Variants in CBR4 observed in about 807,000 individuals in gnomAD.
The protein encoded by CBR4 is carbonyl reductase 4.
Under a neutral mutation model 21.0 loss-of-function variants are expected in CBR4, and 22 were observed. The observed-to-expected ratio is 1.05, with a 90% confidence interval of 0.75 to 1.50. The LOEUF is 1.50. Ranked by LOEUF, CBR4 falls within the 40% of genes most tolerant of loss-of-function variation. The pLI, the probability that CBR4 is intolerant of heterozygous loss-of-function variation, is 0.00. For synonymous variants in CBR4, 100 were observed against 104.4 expected (o/e 0.96, Z 0.26); for missense variants, 302 against 286.3 (o/e 1.05, Z -0.40).
chr4:168,905,220 G>A (rs190064789), intron 2 of CBR4, among the ~76,000 whole-genome samples: 4 of 125,888 alleles, frequency 3.2e-5, no homozygotes, highest in East Asian at 2.8e-4. Context: ...GCGCGATCTC[G>A]GCTCACTGCA....
chr4:168,911,987 T>C (rs1759063750), intron 2 of CBR4, among the ~76,000 whole-genome samples: 1 of 152,164 alleles, frequency 6.6e-6, no homozygotes. Flanking sequence ...CTATGTGTCT[T>C]TGCCTTTTCT....
chr4:168,931,868 A>C (rs920408782), intron 2 of CBR4, among the ~76,000 whole-genome samples: 1 of 152,148 alleles, frequency 6.6e-6, no homozygotes, highest in African/African-American at 2.4e-5. Flanking sequence ...CAGACACTAC[A>C]GTACTGCATC....
intron 2 of CBR4, among the ~76,000 whole-genome samples, chr4:168,978,079 C>T (rs1403590337): frequency 2.0e-5 from 3 of 152,188 alleles, no homozygotes; most frequent in African/African-American, 7.2e-5. Context: ...AAGTTCAAAA[C>T]CCTTAACATG....
chr4:169,006,699 ATT>A (rs1730935341), intron 3 of CBR4, 54 bp downstream of exon 3: 1 of 1,433,290 alleles, frequency 7.0e-7, no homozygotes, highest in Admixed American at 2.1e-5. Context: ...TGGATTAAAT[ATT>A]TTTATGGTAT....
At chr4:168,984,205 A>AG (rs1764620730), downstream of CBR4, among the ~76,000 whole-genome samples, 1 of 152,198 alleles carries the variant, frequency 6.6e-6, no homozygotes, top group Admixed American at 6.5e-5. Context: ...CATCTTCTGG[A>AG]AAGTTTCAGG....
chr4:168,936,670 G>T (rs973370527), intron 2 of CBR4, among the ~76,000 whole-genome samples: 1 of 152,062 alleles, frequency 6.6e-6, no homozygotes, highest in South Asian at 2.1e-4. Flanking sequence ...CGATCAAGTG[G>T]AAGACAGGAT....
rs1764832024 is a variant in CBR4 at position 168,989,994 on chromosome 4, G to T, written c.*156C>A. The T allele has an allele frequency of 2.4e-6, 3 of 1,240,010 alleles. No individual in the cohort carries two copies. The highest frequency in any genetic ancestry group is 3.3e-5 in the East Asian group (1 of 30,140). 76.8% of individuals were successfully genotyped at this position (1,240,010 alleles called of 1,614,324 possible). On this transcript the variant is annotated 3_prime_UTR_variant, in exon 5 of 5. Transcript: ENST00000306193. ...AAAAAACCACAATTTGTCACACATT[G>T]TTCTTTTGAGACATATTTTTATAAA...
chr4:168,964,081 GTGGGAAATTT>G lies in CBR4; in HGVS notation n.169+37980_169+37989del, dbSNP rs943394073. Among the ~76,000 whole-genome samples, 6 of 152,280 alleles carry G rather than the reference GTGGGAAATTT, an allele frequency of 3.9e-5. No homozygotes were observed. In the South Asian group the frequency reaches 6.2e-4, roughly 16 times the overall value. On this transcript the variant is annotated intron_variant and non_coding_transcript_variant, in intron 2 of 3. Transcript: ENST00000509108. ...TAAATGCATAAATGGCATCCAGCAC[GTGGGAAATTT>G]TGCTCTGACCAGCATGATCAAGCAA...
At chr4:168,984,517 C>T (rs111612963), downstream of CBR4, among the ~76,000 whole-genome samples, 4 of 151,906 alleles carry the variant, frequency 2.6e-5, no homozygotes. Context: ...ATTCCTATCA[C>T]ACTACCAATG....
chr4:168,930,063 A>G lies in CBR4; in HGVS notation n.170-35298T>C, dbSNP rs1417982956. Among the ~76,000 whole-genome samples the G allele has an allele frequency of 2.6e-5, 4 of 152,338 alleles. No homozygotes were observed. The East Asian group carries it at 5.8e-4, about 22-fold the overall frequency. On this transcript the variant is annotated intron_variant and non_coding_transcript_variant, in intron 2 of 3. Coordinates refer to the CBR4 transcript ENST00000509108. ...CTGGGACTGTCCTAGTAAAAATTAT[A>G]TTACAAATATTGAAATATCTTAAAA...
chr4:168,965,117 T>C (rs371671951), intron 2 of CBR4, among the ~76,000 whole-genome samples: 16 of 151,964 alleles, frequency 1.1e-4, no homozygotes, highest in South Asian at 2.1e-4. Context: ...ACACCAATAA[T>C]AGACAAACAG....
At position 168,987,637 on chromosome 4, in the gene CBR4, T is replaced by C; in HGVS notation, c.*2513A>G. 3.0e-5 allele frequency: 29 copies of C among 957,102 alleles called. No homozygotes were observed. Among genetic ancestry groups the C allele is most frequent in the Non-Finnish European group, 3.6e-5 (29 of 804,160 alleles). 59.3% of individuals were successfully genotyped at this position (957,102 alleles called of 1,614,324 possible). ...TTTAAGAACAGTTTGTTTACCAAGT[T>C]AGGACAGTGGTTATGATTTCTCAAT... is the stretch of plus-strand genomic sequence containing the variant. On this transcript the variant is annotated 3_prime_UTR_variant, in exon 5 of 5. Transcript: ENST00000306193.
chr4:168,970,833 G>GAT (rs71588181), intron 2 of CBR4, among the ~76,000 whole-genome samples: 81,116 of 149,496 alleles, frequency 0.54, 22,661 homozygotes, highest in East Asian at 0.86. Context: ...AGTAGTCCAT[G>GAT]ATATATATAT....
intron 2 of CBR4, among the ~76,000 whole-genome samples, chr4:168,918,259 A>G (rs556992161): frequency 6.6e-6 from 1 of 151,708 alleles, no homozygotes; most frequent in Non-Finnish European, 1.5e-5. Context: ...TTGCAGCACT[A>G]TTCATAATAG....
At chr4:168,999,636 CA>C (rs35396431) in intron 4 of CBR4, among the ~76,000 whole-genome samples, 7,401 of 77,272 alleles carry the variant, frequency 0.096, 189 homozygotes, top group Middle Eastern at 0.18. Flanking sequence ...CCACCACTTT[CA>C]AAAAAAAAAA....
At chr4:168,999,471 A>G (rs181656874) in intron 4 of CBR4, among the ~76,000 whole-genome samples, 5 of 152,218 alleles carry the variant, frequency 3.3e-5, no homozygotes, top group African/African-American at 7.2e-5. Context: ...CAAATCTGCT[A>G]AATATACATA....
chr4:168,953,348 A>G (rs1763597572), intron 2 of CBR4, among the ~76,000 whole-genome samples: 1 of 152,060 alleles, frequency 6.6e-6, no homozygotes, highest in African/African-American at 2.4e-5. Context: ...TCTATTTCCT[A>G]CAAATTGGCA....
chr4:168,913,136 CT>C (rs33986728), intron 2 of CBR4, among the ~76,000 whole-genome samples: 69,098 of 118,814 alleles, frequency 0.58, 19,717 homozygotes, highest in East Asian at 0.9. Flanking sequence ...ATGCCACTAA[CT>C]TTTTTTTTTT....
chr4:168,895,534 T>C (rs1473464380), intron 2 of CBR4, among the ~76,000 whole-genome samples: 2 of 152,198 alleles, frequency 1.3e-5, no homozygotes, highest in Non-Finnish European at 2.9e-5. Context: ...AGTCTTAAAG[T>C]AAGCTAGAGA....
Sources: allele counts gnomAD v4.1 joint callset (sites outside exome capture counted in the v4.1 genomes callset), GRCh38; gene constraint gnomAD v4.1.1; transcripts MANE v1.5; gene names NCBI Gene and HGNC (gene_info 2026-07-23, HGNC 2026-07-21).